The following ULK4 variants were observed in gnomAD, a reference collection of about 807,000 sequenced individuals.
ULK4 encodes unc-51 like kinase 4, also known as inactive serine/threonine-protein kinase ULK4.
In ULK4, 133 loss-of-function variants were observed where a neutral mutation model predicts 160.6. That is an observed-to-expected ratio of 0.83 (90% CI 0.72 to 0.96). ULK4 has a LOEUF of 0.96. Among genes scored for constraint, ULK4 ranks in the 40% least tolerant of loss-of-function variants. The pLI is 0.00. For missense variants in ULK4, 1,580 were observed against 1,499.5 expected, an observed-to-expected ratio of 1.05 and a Z score of -0.89; for synonymous variants, 534 against 539.8, an observed-to-expected ratio of 0.99 and a Z score of 0.15.
intron 31 of ULK4, among the ~76,000 whole-genome samples, chr3:41,612,313 C>A (rs981739231): frequency 6.6e-6 from 1 of 152,146 alleles, no homozygotes; most frequent in African/African-American, 2.4e-5. Context: ...CCTCTTCCCC[C>A]AAAGCCCTGT....
Position 41,907,961 on chromosome 3 carries a change from T to A in ULK4, c.1086-20A>T, listed in dbSNP as rs1303840092. On this transcript the variant is annotated intron_variant, in intron 11 of 36. Transcript: ENST00000301831. Reference sequence around the variant, plus strand: ...CGAGAACTGAAAAATACAAACCAGTTAACATTATTCAATTCCAGACAGTTT... The same window carrying A: ...CGAGAACTGAAAAATACAAACCAGTAAACATTATTCAATTCCAGACAGTTT... 6.5e-7 allele frequency: 1 copy of A among 1,548,716 alleles called. No individual in the cohort carries two copies. Among genetic ancestry groups the A allele is most frequent in the African/African-American group, 1.4e-5 (1 of 72,438 alleles).
At chr3:41,270,792 A>G (rs2079126150) in intron 35 of ULK4, among the ~76,000 whole-genome samples, 1 of 152,232 alleles carries the variant, frequency 6.6e-6, no homozygotes, top group African/African-American at 2.4e-5. Flanking sequence ...TGGAGTAATT[A>G]AAATTTAAAT....
intron 32 of ULK4, among the ~76,000 whole-genome samples, chr3:41,464,181 T>G (rs1348273164): frequency 6.6e-5 from 10 of 152,202 alleles, no homozygotes; most frequent in South Asian, 2.1e-4. Flanking sequence ...CACAGCCATG[T>G]AAGTTTTGGC....
At chr3:41,643,473 C>G (rs1477389304) in intron 30 of ULK4, among the ~76,000 whole-genome samples, 2 of 152,156 alleles carry the variant, frequency 1.3e-5, no homozygotes, top group African/African-American at 4.8e-5. Flanking sequence ...GCTTCCTTTT[C>G]TCAGGTTTGT....
rs976700715 is a variant in ULK4, at chr3:41,918,641, A to G, written c.644-101T>C. Reference sequence around the variant, plus strand: ...TTTTGAGATGGAGTCTTGCTCTGTCACCCAGGCTGGAGTGCAGTGGCGCAA... The same window carrying G: ...TTTTGAGATGGAGTCTTGCTCTGTCGCCCAGGCTGGAGTGCAGTGGCGCAA... On this transcript the variant is annotated intron_variant, in intron 6 of 36. Coordinates refer to ENST00000301831, the MANE Select transcript of ULK4 (RefSeq NM_017886.4). The G allele has an allele frequency of 5.5e-4, 332 of 602,400 alleles. 1 individual carries two copies. Among genetic ancestry groups the G allele is most frequent in the African/African-American group, 4.6e-3 (189 of 41,100 alleles). The allele number at this position is 602,400 out of a possible 1,614,324, so 37.3% of individuals were successfully genotyped here.
intron 32 of ULK4, among the ~76,000 whole-genome samples, chr3:41,481,524 T>C (rs1415190468): frequency 2.0e-5 from 3 of 152,136 alleles, no homozygotes; most frequent in Admixed American, 6.5e-5. Flanking sequence ...TATCCCACTG[T>C]CTTAAGAACA....
intron 30 of ULK4, among the ~76,000 whole-genome samples, chr3:41,646,650 T>G (rs2125730146): frequency 6.6e-6 from 1 of 152,324 alleles, no homozygotes; most frequent in Non-Finnish European, 1.5e-5. Context: ...TCAACTATGG[T>G]GAATCTGACA....
At chr3:41,853,096 G>C (rs2042255506) in intron 17 of ULK4, among the ~76,000 whole-genome samples, 1 of 152,168 alleles carries the variant, frequency 6.6e-6, no homozygotes, top group Non-Finnish European at 1.5e-5. Context: ...AGCATACTCT[G>C]GAGCAGTGGT....
intron 35 of ULK4, among the ~76,000 whole-genome samples, chr3:41,341,377 T>C (rs17055988): frequency 0.017 from 2,528 of 152,288 alleles, 61 homozygotes; most frequent in African/African-American, 0.05. Flanking sequence ...TGGATAAAGA[T>C]ACTTCCTACC....
chr3:41,751,327 T>C (rs2038620953), intron 22 of ULK4, among the ~76,000 whole-genome samples: 1 of 152,130 alleles, frequency 6.6e-6, no homozygotes, highest in Non-Finnish European at 1.5e-5. Context: ...CCACCATATG[T>C]AGAAAGCATC....
At chr3:41,694,795 T>C (rs1054106139) in intron 27 of ULK4, among the ~76,000 whole-genome samples, 2 of 152,208 alleles carry the variant, frequency 1.3e-5, no homozygotes, top group African/African-American at 2.4e-5. Context: ...ATTGTTGTAT[T>C]ATCATTTTTC....
intron 32 of ULK4, among the ~76,000 whole-genome samples, chr3:41,530,735 TC>T (rs1323315726): frequency 6.6e-6 from 1 of 152,146 alleles, no homozygotes; most frequent in Non-Finnish European, 1.5e-5. Context: ...CTGAATACAT[TC>T]TCCTCAATAA....
chr3:41,897,042 G>A, intron 14 of ULK4, 39 bp from the exon 15 acceptor site: 1 of 1,513,446 alleles, frequency 6.6e-7, no homozygotes, highest in Non-Finnish European at 9.0e-7. Flanking sequence ...CATATGATGA[G>A]AAAAAGAACT....
At chr3:41,262,584 T>C (rs574039097) in intron 35 of ULK4, among the ~76,000 whole-genome samples, 31 of 152,292 alleles carry the variant, frequency 2.0e-4, no homozygotes, top group African/African-American at 6.3e-4. Flanking sequence ...CTCCTCTCTG[T>C]ACCTGTGGGC....
intron 35 of ULK4, among the ~76,000 whole-genome samples, chr3:41,341,664 G>C (rs974131683): frequency 6.6e-6 from 1 of 152,108 alleles, no homozygotes; most frequent in African/African-American, 2.4e-5. Context: ...TGAAGAGCTC[G>C]GGGCTGCAGC....
intron 31 of ULK4, among the ~76,000 whole-genome samples, chr3:41,613,816 G>A (rs1215107098): frequency 6.6e-6 from 1 of 152,124 alleles, no homozygotes; most frequent in African/African-American, 2.4e-5. Context: ...TTCAGATAAT[G>A]TCCTATAAGA....
At chr3:41,560,476 T>C (rs1460189754) in intron 32 of ULK4, among the ~76,000 whole-genome samples, 1 of 152,204 alleles carries the variant, frequency 6.6e-6, no homozygotes, top group African/African-American at 2.4e-5. Flanking sequence ...TTCACAATAT[T>C]GATTCTTCCT....
intron 29 of ULK4, among the ~76,000 whole-genome samples, chr3:41,664,461 G>A (rs768834624): frequency 2.0e-5 from 3 of 152,280 alleles, no homozygotes; most frequent in Non-Finnish European, 2.9e-5. Flanking sequence ...AATGCAGCAC[G>A]TGTGTGTGAT....
At chr3:41,417,297 T>C (rs1196302674) in intron 34 of ULK4, among the ~76,000 whole-genome samples, 3 of 151,998 alleles carry the variant, frequency 2.0e-5, no homozygotes, top group Admixed American at 6.5e-5. Context: ...TAAGGAGAGA[T>C]CATCAGTGAA....
Sources: gnomAD v4.1 joint callset for allele counts (sites outside exome capture counted in the v4.1 genomes callset) on GRCh38, gnomAD v4.1.1 for gene constraint, MANE v1.5 for transcripts, NCBI Gene and HGNC (gene_info 2026-07-23, HGNC 2026-07-21) for gene names.